FMO5: variants seen among roughly 807,000 people sequenced by gnomAD.
FMO5 encodes flavin containing dimethylaniline monoxygenase 5, also known as flavin-containing monooxygenase 5.
A neutral mutation model predicts 43.6 loss-of-function variants in FMO5; 51 were observed. The observed-to-expected ratio is 1.17, with a 90% CI of 0.93 to 1.48. The LOEUF (loss-of-function observed/expected upper bound fraction) is 1.48. Ranked by LOEUF, FMO5 falls within the 40% of genes most tolerant of loss-of-function variation. The pLI is 0.00. For missense variants in FMO5, 644 were observed against 643.0 expected (o/e 1.00, Z -0.02); for synonymous variants, 187 against 216.5 (o/e 0.86, Z 1.20).
At chr1:147,205,868 T>G (rs1414918245) in intron 6 of FMO5, among the ~76,000 whole-genome samples, 2 of 152,130 alleles carry the variant, frequency 1.3e-5, no homozygotes, top group African/African-American at 2.4e-5. Flanking sequence ...AAGGACTTCA[T>G]GTCTAAAACA....
chr1:147,187,054 C>T lies in FMO5; in HGVS notation c.1448G>A (p.Gly483Glu). ...TGTGGTGAGGATAGCTTTTCGAGCC[C>T]CATCCCACTTTCCAGGGCCCTGTAC... ...YRVQGPGKWD[G>E]ARKAILTTDD... Residue 483 changes from glycine (G) to glutamate (E), a missense_variant, in exon 9 of 9, where the codon GGG (glycine) becomes GAG (glutamate). Coordinates refer to ENST00000254090, the MANE Select transcript of FMO5 (RefSeq NM_001461.4). The T allele has an allele frequency of 3.1e-6, 5 of 1,614,136 alleles. No individual in the cohort carries two copies. Among genetic ancestry groups the T allele is most frequent in the Non-Finnish European group, 4.2e-6 (5 of 1,180,030 alleles).
intron 7 of FMO5, among the ~76,000 whole-genome samples, chr1:147,193,130 A>T (rs1467659240): frequency 1.3e-5 from 2 of 152,082 alleles, no homozygotes; most frequent in Non-Finnish European, 2.9e-5. Context: ...CTGTGAATCC[A>T]TCTGGTCCTG....
At chr1:147,220,919 TA>T (rs1662889091) in intron 2 of FMO5, among the ~76,000 whole-genome samples, 1 of 124,208 alleles carries the variant, frequency 8.1e-6, no homozygotes, top group Admixed American at 8.7e-5. Flanking sequence ...TTACTTATAA[TA>T]ACATAAAATG....
intron 2 of FMO5, among the ~76,000 whole-genome samples, chr1:147,220,932 G>A (rs1662892780): frequency 9.7e-6 from 1 of 102,762 alleles, no homozygotes; most frequent in Non-Finnish European, 1.9e-5. Context: ...CATAAAATGA[G>A]TTTTAAGTTT....
intron 7 of FMO5, among the ~76,000 whole-genome samples, chr1:147,194,811 T>C (rs1239334720): frequency 6.6e-6 from 1 of 152,026 alleles, no homozygotes; most frequent in East Asian, 1.9e-4. Flanking sequence ...AAAATTCTTT[T>C]CTTTAAGAAT....
rs587723123 is a variant in FMO5, at chr1:147,197,867, G to C, written c.1183+3285C>G. ...TTGCTTCTCCAGCCCCTAGCAGAAG[G>C]CCTGGTACATACTAAAAGGTCAGTA... On this transcript the variant is annotated intron_variant, in intron 7 of 8. Coordinates refer to ENST00000254090, the MANE Select transcript of FMO5 (RefSeq NM_001461.4). 2.4e-4 allele frequency among the ~76,000 whole-genome samples: 37 copies of C among 152,262 alleles called. No individual in the cohort carries two copies. In the South Asian group the frequency reaches 2.5e-3, roughly 10 times the overall value.
At chr1:147,204,605 C>G (rs1659634775) in intron 6 of FMO5, 1 of 1,593,358 alleles carries the variant, frequency 6.3e-7, no homozygotes, top group African/African-American at 1.3e-5. Context: ...TCCAGGAGAG[C>G]TCCGGCAAAT....
chr1:147,204,613 A>T, intron 6 of FMO5: 1 of 1,592,716 alleles, frequency 6.3e-7, no homozygotes, highest in Non-Finnish European at 8.6e-7. Context: ...AGCTCCGGCA[A>T]ATACCAGAAC....
In FMO5 at chr1:147,190,175, A is replaced by G. The variant is rs1553918142; in HGVS notation, c.1256+2T>C. On this transcript the variant is annotated splice_donor_variant, in intron 8 of 8. Transcript: ENST00000254090. LOFTEE classifies it high-confidence loss of function. Reference sequence around the variant, plus strand: ...ATATATCTTCCTGGGAGAGTTTCTTACCTTTTGTCAATTTCCTCTTGAGCT... The same window carrying G: ...ATATATCTTCCTGGGAGAGTTTCTTGCCTTTTGTCAATTTCCTCTTGAGCT... 1 of 1,595,522 alleles carries G rather than the reference A, an allele frequency of 6.3e-7. No individual in the cohort carries two copies. Among genetic ancestry groups the G allele is most frequent in the South Asian group, 1.1e-5 (1 of 90,240 alleles).
At chr1:147,191,132 C>A (rs1289019706) in intron 7 of FMO5, among the ~76,000 whole-genome samples, 2 of 152,024 alleles carry the variant, frequency 1.3e-5, no homozygotes, top group Non-Finnish European at 2.9e-5. Context: ...TGAATAGTGC[C>A]GCAATAAACA....
At chr1:147,210,971 T>C (rs1553923635) in intron 5 of FMO5, 2 of 152,204 alleles carry the variant, frequency 1.3e-5, no homozygotes, top group East Asian at 1.9e-4. Context: ...CTGAAATATA[T>C]AGGTCCATTT....
Position 147,212,397 on chromosome 1 carries a change from T to A in FMO5, c.626A>T (p.Lys209Met), listed in dbSNP as rs1661224269. ...DLAVEISQTA[K>M]QVFLSTRRGA... ...TAATAATTGAGTGATTCAAACCTGCTTGGCTGTTTGGCTAATCTCTACAGC... is the reference window on the plus strand; with the variant it reads ...TAATAATTGAGTGATTCAAACCTGCATGGCTGTTTGGCTAATCTCTACAGC... The change falls in exon 5 of 9, where the codon AAG becomes ATG. Residue 209 changes from lysine to methionine, a missense_variant. Transcript: ENST00000254090. 6.2e-7 allele frequency: 1 copy of A among 1,613,890 alleles called. No homozygotes were observed. Among genetic ancestry groups the A allele is most frequent in the South Asian group, 1.1e-5 (1 of 91,046 alleles).
intron 2 of FMO5, among the ~76,000 whole-genome samples, chr1:147,222,097 C>T (rs10453880): frequency 0.093 from 14,090 of 152,192 alleles, 738 homozygotes; most frequent in African/African-American, 0.15. Context: ...AGGCTAGGCA[C>T]GGTGGCTCAT....
intron 6 of FMO5, chr1:147,203,313 T>C (rs2101853281): frequency 6.3e-7 from 1 of 1,595,732 alleles, no homozygotes; most frequent in East Asian, 2.2e-5. Flanking sequence ...TCTTCCCACT[T>C]GGAGGCTTGG....
chr1:147,201,249 T>G lies in FMO5; in HGVS notation c.1086A>C (p.Glu362Asp). 1 of 1,614,194 alleles carries G rather than the reference T, an allele frequency of 6.2e-7. No homozygotes were observed. The highest frequency in any genetic ancestry group is 8.5e-7 in the Non-Finnish European group (1 of 1,180,028). ...LYKKVFPPNL[E>D]RPTLAIIGLI... ...AGCCTATGATTGCAAGAGTTGGCCT[T>G]TCCAGGTTAGGAGGGAAGACCTTTT... is the stretch of plus-strand genomic sequence containing the variant. The change falls in exon 7 of 9, where the codon GAA (glutamate) becomes GAC (aspartate). Residue 362 changes from glutamate to aspartate, a missense_variant. Physicochemically the swap from Glu to Asp is conservative, Grantham distance 45. Coordinates refer to ENST00000254090, the MANE Select transcript of FMO5 (RefSeq NM_001461.4).
intron 7 of FMO5, among the ~76,000 whole-genome samples, chr1:147,193,106 C>CT (rs1553918937): frequency 1.3e-5 from 2 of 152,126 alleles, no homozygotes; most frequent in East Asian, 3.9e-4. Context: ...CTTTGTACCT[C>CT]TGGTAGAATT....
At chr1:147,225,758 A>G (rs1663926099), upstream of FMO5, 1 of 152,264 alleles carries the variant, frequency 6.6e-6, no homozygotes, top group South Asian at 2.1e-4. Flanking sequence ...AACAGATTGT[A>G]GCAGGATGAG....
At chr1:147,211,083 T>C (rs930437465) in intron 5 of FMO5, 1 of 152,232 alleles carries the variant, frequency 6.6e-6, no homozygotes, top group Non-Finnish European at 1.5e-5. Context: ...ATTAGTGGTG[T>C]GACAGTATTG....
intron 3 of FMO5, among the ~76,000 whole-genome samples, chr1:147,214,273 G>A (rs587650301): frequency 5.3e-5 from 8 of 152,048 alleles, no homozygotes; most frequent in South Asian, 4.2e-4. Flanking sequence ...CCAACATGGC[G>A]AAACCCCGTC....
Sources: allele counts gnomAD v4.1 joint callset (sites outside exome capture counted in the v4.1 genomes callset), GRCh38; gene constraint gnomAD v4.1.1; transcripts MANE v1.5; gene names NCBI Gene and HGNC (gene_info 2026-07-23, HGNC 2026-07-21).